Variants in GALNT2 observed in about 807,000 individuals in gnomAD.
GALNT2 encodes the protein UDP-GalNAc:polypeptide N-acetylgalactosaminyltransferase 2.
In GALNT2, 31 loss-of-function variants were observed where a neutral mutation model predicts 81.4. The ratio of observed to expected loss-of-function variants is 0.38; its 90% CI spans 0.29 to 0.51. The LOEUF (loss-of-function observed/expected upper bound fraction) is 0.51. Among genes scored for constraint, GALNT2 ranks in the 20% least tolerant of loss-of-function variants. GALNT2 has a pLI of 0.87. For synonymous variants in GALNT2, 303 were observed against 287.4 expected, an observed-to-expected ratio of 1.05 and a Z score of -0.55; for missense variants, 629 against 765.7, an observed-to-expected ratio of 0.82 and a Z score of 2.11.
At chr1:230,148,976 G>GCTCAAATGATTCTCCTGC (rs1662010112) in intron 1 of GALNT2, among the ~76,000 whole-genome samples, 1 of 151,994 alleles carries the variant, frequency 6.6e-6, no homozygotes, top group Non-Finnish European at 1.5e-5. Flanking sequence ...GACCTCCTGG[G>GCTCAAATGATTCTCCTGC]CTCAAATGAT....
chr1:230,072,415 G>T (rs1293122893), intron 1 of GALNT2, among the ~76,000 whole-genome samples: 1 of 152,124 alleles, frequency 6.6e-6, no homozygotes, highest in Non-Finnish European at 1.5e-5. Flanking sequence ...ACAGGTGTAA[G>T]CAGGAGTCGA....
At chr1:230,062,794 A>C (rs1353331594), upstream of GALNT2, among the ~76,000 whole-genome samples, 1 of 152,098 alleles carries the variant, frequency 6.6e-6, no homozygotes, top group Non-Finnish European at 1.5e-5. Flanking sequence ...CCCTTTGGCC[A>C]CTGTAAATAA....
chr1:230,144,769 G>T (rs1038233929), intron 1 of GALNT2, among the ~76,000 whole-genome samples: 5 of 152,138 alleles, frequency 3.3e-5, no homozygotes, highest in Non-Finnish European at 7.3e-5. Flanking sequence ...GTGTTCTTAT[G>T]TGGGGTGAGG....
chr1:230,175,690 G>T (rs1662958240), intron 1 of GALNT2, among the ~76,000 whole-genome samples: 1 of 143,030 alleles, frequency 7.0e-6, no homozygotes, highest in Non-Finnish European at 1.5e-5. Flanking sequence ...CTCCTTGGGG[G>T]CTCCTCTTCC....
At chr1:230,225,262 A>T (rs1664672305) in intron 3 of GALNT2, among the ~76,000 whole-genome samples, 1 of 152,230 alleles carries the variant, frequency 6.6e-6, no homozygotes, top group African/African-American at 2.4e-5. Context: ...TTCCATTTCC[A>T]GTTTACATTC....
chr1:230,244,824 C>G (rs946518660), intron 7 of GALNT2, among the ~76,000 whole-genome samples: 4 of 152,178 alleles, frequency 2.6e-5, no homozygotes, highest in African/African-American at 9.7e-5. Flanking sequence ...TAGATTTGCA[C>G]CTGGGTGTTA....
chr1:230,274,168 ATAGT>A (rs1456375034), intron 14 of GALNT2, among the ~76,000 whole-genome samples: 1 of 152,254 alleles, frequency 6.6e-6, no homozygotes, highest in Non-Finnish European at 1.5e-5. Context: ...TGGGGCTAAA[ATAGT>A]TAATAGTTTT....
At chr1:230,071,647 G>A (rs1447437533) in intron 1 of GALNT2, among the ~76,000 whole-genome samples, 3 of 152,096 alleles carry the variant, frequency 2.0e-5, no homozygotes, top group African/African-American at 7.2e-5. Context: ...TGGTGGATGC[G>A]GAGGGGAACA....
At chr1:230,240,462 T>C (rs1460764908) in intron 6 of GALNT2, among the ~76,000 whole-genome samples, 1 of 152,106 alleles carries the variant, frequency 6.6e-6, no homozygotes, top group Non-Finnish European at 1.5e-5. Context: ...CATGGTGGCA[T>C]GCGCCTGTAG....
Position 230,275,027 on chromosome 1 carries a change from CGCCACATATATACACATATATACAT to C in GALNT2, c.1560+477_1560+501del, listed in dbSNP as rs1558173808. ...CATGCCACATATATACATATATACA[CGCCACATATATACACATATATACAT>C]GCCACATATATACGTATATATATAC... On this transcript the variant is annotated intron_variant, in intron 15 of 15. Coordinates refer to ENST00000366672, the MANE Select transcript of GALNT2 (RefSeq NM_004481.5). The surrounding 1 kb of genome is among the most constrained non-coding windows in gnomAD (Gnocchi z 5.5). 6.6e-6 allele frequency among the ~76,000 whole-genome samples: 1 copy of C among 150,444 alleles called. No homozygotes were observed. Among genetic ancestry groups the C allele is most frequent in the Admixed American group, 6.6e-5 (1 of 15,154 alleles).
chr1:230,281,077 G>A lies in GALNT2; in HGVS notation c.*1619G>A, dbSNP rs540530612. On this transcript the variant is annotated 3_prime_UTR_variant, in exon 16 of 16. Transcript: ENST00000366672. ...AAGCGTCAGTTAGGCACACCTGCAG[G>A]CCCCTCGGTGGGACAGCGGCGGCCT... The A allele has an allele frequency of 6.6e-6, 1 of 152,434 alleles. No individual in the cohort carries two copies. The highest frequency in any genetic ancestry group is 1.5e-5 in the Non-Finnish European group (1 of 68,116). 9.4% of individuals were successfully genotyped at this position (152,434 alleles called of 1,614,324 possible). A position where few individuals can be genotyped will look rare whatever the true frequency, so the allele number is the denominator to read the frequency against.
chr1:230,223,677 G>A (rs1664621612), intron 3 of GALNT2, among the ~76,000 whole-genome samples: 1 of 152,070 alleles, frequency 6.6e-6, no homozygotes, highest in Non-Finnish European at 1.5e-5. Flanking sequence ...CGCCATATTG[G>A]CCAGGCTGGT....
Position 230,280,156 on chromosome 1 carries a change from C to G in GALNT2, c.*698C>G, listed in dbSNP as rs1042310980. 5.3e-6 allele frequency: 2 copies of G among 378,066 alleles called. No homozygotes were observed. Among genetic ancestry groups the G allele is most frequent in the Non-Finnish European group, 1.1e-5 (2 of 188,612 alleles). The allele number at this position is 378,066 out of a possible 1,614,324, so 23.4% of individuals were successfully genotyped here. A position where few individuals can be genotyped will look rare whatever the true frequency, so the allele number is the denominator to read the frequency against. On this transcript the variant is annotated 3_prime_UTR_variant, in exon 16 of 16. Transcript: ENST00000366672. ...TCCCCACAAAGCCGTTCGCAGCTTC[C>G]GGGAGAAGGGGCCAGAGCCCGGTGG...
At chr1:230,274,593 C>T (rs548049103) in intron 15 of GALNT2, 29 bp downstream of exon 15, 275 of 1,612,594 alleles carry the variant, frequency 1.7e-4, no homozygotes, top group Middle Eastern at 8.7e-4. Context: ...CGTGGGTGCC[C>T]GTGATTAACC....
intron 1 of GALNT2, among the ~76,000 whole-genome samples, chr1:230,168,623 T>C (rs1284938922): frequency 6.6e-6 from 1 of 151,984 alleles, no homozygotes; most frequent in African/African-American, 2.4e-5. Flanking sequence ...GGCCCAGGAG[T>C]TTTCAGTGTA....
intron 1 of GALNT2, among the ~76,000 whole-genome samples, chr1:230,080,217 C>T (rs1659685369): frequency 6.6e-6 from 1 of 152,108 alleles, no homozygotes; most frequent in South Asian, 2.1e-4. Flanking sequence ...AAAGCGCCGA[C>T]ATCATTATCA....
At chr1:230,213,745 G>T (rs920156759) in intron 3 of GALNT2, among the ~76,000 whole-genome samples, 2 of 151,974 alleles carry the variant, frequency 1.3e-5, no homozygotes, top group Non-Finnish European at 2.9e-5. Context: ...TTCTCTGTTG[G>T]TTTGCTAAAT....
At chr1:230,255,852 A>G (rs1665695365) in intron 11 of GALNT2, among the ~76,000 whole-genome samples, 1 of 152,242 alleles carries the variant, frequency 6.6e-6, no homozygotes, top group African/African-American at 2.4e-5. Flanking sequence ...AGGTGCAATT[A>G]AAAGCAACAT....
chr1:230,087,611 T>C (rs1659937902), intron 1 of GALNT2, among the ~76,000 whole-genome samples: 1 of 152,146 alleles, frequency 6.6e-6, no homozygotes, highest in Non-Finnish European at 1.5e-5. Context: ...GGGGCCCAAG[T>C]GTGTTTTAGA....
Sources: gnomAD v4.1 joint callset for allele counts (sites outside exome capture counted in the v4.1 genomes callset) on GRCh38, gnomAD v4.1.1 for gene constraint, Gnocchi (gnomAD v3.1) non-coding constraint, MANE v1.5 for transcripts, NCBI Gene and HGNC (gene_info 2026-07-23, HGNC 2026-07-21) for gene names.